Variants in RYR2 observed in about 807,000 individuals in gnomAD.
RYR2 encodes cardiac muscle ryanodine receptor-calcium release channel.
A neutral mutation model predicts 601.1 loss-of-function variants in RYR2; 227 were observed. The observed-to-expected ratio is 0.38, with a 90% confidence interval of 0.34 to 0.42. The LOEUF (loss-of-function observed/expected upper bound fraction) is 0.42, where lower values mean the gene tolerates loss of function less well. Among genes scored for constraint, RYR2 ranks in the 10% least tolerant of loss-of-function variants. The probability of loss-of-function intolerance (pLI) is 1.00; values close to 1 mark genes in which losing one functional copy is unlikely to be tolerated. For synonymous variants in RYR2, 2,223 were observed against 2,175.1 expected, an observed-to-expected ratio of 1.02 and a Z score of -0.61; for missense variants, 4,646 against 6,156.5, an observed-to-expected ratio of 0.75 and a Z score of 8.21.
intron 56 of RYR2, among the ~76,000 whole-genome samples, chr1:237,661,898 C>T (rs536134818): frequency 4.2e-4 from 64 of 152,206 alleles, no homozygotes; most frequent in Admixed American, 7.2e-4. Context: ...AAATACCACC[C>T]GTTAACATTT....
At chr1:237,667,453 T>C (rs1684427473) in intron 57 of RYR2, among the ~76,000 whole-genome samples, 1 of 152,156 alleles carries the variant, frequency 6.6e-6, no homozygotes, top group Non-Finnish European at 1.5e-5. Context: ...TAGTCTAAGG[T>C]CTCTCACCTA....
At chr1:237,298,495 T>C (rs1015916239) in intron 2 of RYR2, among the ~76,000 whole-genome samples, 18 of 152,180 alleles carry the variant, frequency 1.2e-4, no homozygotes, top group African/African-American at 4.3e-4. Context: ...ACACAGTTTT[T>C]ATTGTTTTCA....
intron 77 of RYR2, among the ~76,000 whole-genome samples, chr1:237,730,707 C>T (rs923175479): frequency 6.6e-6 from 1 of 152,104 alleles, no homozygotes. Context: ...AAGAAGTTAT[C>T]CACCTAAATT....
At chr1:237,279,994 A>C (rs1243105304) in intron 2 of RYR2, among the ~76,000 whole-genome samples, 1 of 152,208 alleles carries the variant, frequency 6.6e-6, no homozygotes, top group Admixed American at 6.5e-5. Context: ...GGCCTTGTAG[A>C]TGTAACAATA....
At chr1:237,711,288 C>T (rs996893672) in intron 70 of RYR2, among the ~76,000 whole-genome samples, 1 of 151,952 alleles carries the variant, frequency 6.6e-6, no homozygotes. Context: ...TTGATTTTGC[C>T]AGTCTTTTTA....
At chr1:237,353,608 A>G (rs1699051397) in intron 3 of RYR2, among the ~76,000 whole-genome samples, 1 of 151,648 alleles carries the variant, frequency 6.6e-6, no homozygotes, top group Non-Finnish European at 1.5e-5. Context: ...TTACTTTTAT[A>G]TTAGATTCTT....
intron 100 of RYR2, among the ~76,000 whole-genome samples, chr1:237,816,522 C>G (rs1322949430): frequency 2.0e-5 from 3 of 151,996 alleles, no homozygotes; most frequent in African/African-American, 2.4e-5. Flanking sequence ...AACTCCATCT[C>G]TACCAAAAAT....
intron 1 of RYR2, among the ~76,000 whole-genome samples, chr1:237,121,423 G>A (rs972959630): frequency 3.9e-5 from 6 of 152,164 alleles, no homozygotes; most frequent in African/African-American, 1.2e-4. Flanking sequence ...TTTCTTGATC[G>A]AGGAGAAAGC....
At chr1:237,094,812 C>T (rs1667349647) in intron 1 of RYR2, among the ~76,000 whole-genome samples, 1 of 152,176 alleles carries the variant, frequency 6.6e-6, no homozygotes, top group Non-Finnish European at 1.5e-5. Flanking sequence ...AGGATGGTCT[C>T]AATCTCCTGA....
rs185783956 is a variant in RYR2 at position 237,265,312 on chromosome 1, G to C, written c.49-5185G>C. Among the ~76,000 whole-genome samples the C allele has an allele frequency of 5.3e-5, 8 of 152,194 alleles. No individual in the cohort carries two copies. In the East Asian group the frequency reaches 1.6e-3, roughly 30 times the overall value. ...GCAGTGCAGAGCCTTGTAGGCTGAA[G>C]GATTTTTTTGATTGTTTGTTTGTTT... On this transcript the variant is annotated intron_variant, in intron 1 of 104. Transcript: ENST00000366574.
chr1:237,604,666 G>C (rs528527365), intron 35 of RYR2, among the ~76,000 whole-genome samples: 1 of 152,044 alleles, frequency 6.6e-6, no homozygotes, highest in Non-Finnish European at 1.5e-5. Context: ...AAAATTGGTA[G>C]ACCACTACCA....
intron 62 of RYR2, 114 bp from the exon 63 acceptor site, chr1:237,687,341 C>A: frequency 1.5e-6 from 1 of 655,276 alleles, no homozygotes; most frequent in Non-Finnish European, 2.6e-6. Context: ...CATATATCAG[C>A]TGTTTTTTTT....
intron 1 of RYR2, among the ~76,000 whole-genome samples, chr1:237,135,402 C>T (rs1379520397): frequency 2.6e-5 from 4 of 151,322 alleles, no homozygotes; most frequent in African/African-American, 9.7e-5. Context: ...CAGAGTCTCG[C>T]TCTGTTACCC....
At chr1:237,122,510 C>T (rs1234975095) in intron 1 of RYR2, among the ~76,000 whole-genome samples, 2 of 152,214 alleles carry the variant, frequency 1.3e-5, no homozygotes, top group South Asian at 2.1e-4. Flanking sequence ...GGTGAAACCC[C>T]GTTTCTACTA....
chr1:237,666,355 C>T (rs558374349), intron 56 of RYR2, among the ~76,000 whole-genome samples, 157 bp from the exon 57 acceptor site: 6 of 152,216 alleles, frequency 3.9e-5, no homozygotes, highest in South Asian at 4.1e-4. Context: ...TTTTAATGTG[C>T]GAGATGTGTT....
At chr1:237,565,175 CTTTCTTTCTT>C (rs1559035733) in intron 27 of RYR2, among the ~76,000 whole-genome samples, 2,847 of 96,790 alleles carry the variant, frequency 0.029, 163 homozygotes, top group Middle Eastern at 0.089. Flanking sequence ...TTCTTTCTTT[CTTTCTTTCTT>C]TCTTTCTTTC....
At chr1:237,152,856 C>T (rs1229129512) in intron 1 of RYR2, among the ~76,000 whole-genome samples, 1 of 152,150 alleles carries the variant, frequency 6.6e-6, no homozygotes, top group East Asian at 1.9e-4. Flanking sequence ...AAACTATCAT[C>T]AGAGCAAACA....
intron 17 of RYR2, among the ~76,000 whole-genome samples, chr1:237,476,809 T>A (rs1178038703): frequency 6.6e-6 from 1 of 152,188 alleles, no homozygotes; most frequent in Non-Finnish European, 1.5e-5. Flanking sequence ...TCACATGATA[T>A]TTATTGTCTG....
At chr1:237,233,933 C>G (rs1044179419) in intron 1 of RYR2, among the ~76,000 whole-genome samples, 4 of 152,062 alleles carry the variant, frequency 2.6e-5, no homozygotes, top group African/African-American at 9.7e-5. Flanking sequence ...CTTGAGCTAC[C>G]CATCCACCTT....
Sources: gnomAD v4.1 joint callset for allele counts (sites outside exome capture counted in the v4.1 genomes callset) on GRCh38, gnomAD v4.1.1 for gene constraint, MANE v1.5 for transcripts, NCBI Gene and HGNC (gene_info 2026-07-23, HGNC 2026-07-21) for gene names.